The following SCNN1A variants were observed in gnomAD, a reference collection of about 807,000 sequenced individuals.
SCNN1A encodes the protein epithelial sodium channel subunit alpha.
A neutral mutation model predicts 68.6 loss-of-function variants in SCNN1A; 65 were observed. That is an observed-to-expected ratio of 0.95 (90% CI 0.78 to 1.16). The LOEUF (loss-of-function observed/expected upper bound fraction) is 1.16, where lower values mean the gene tolerates loss of function less well. Ranked by LOEUF, SCNN1A falls within the 50% of genes most tolerant of loss-of-function variation. The pLI, the probability that SCNN1A is intolerant of heterozygous loss-of-function variation, is 0.00. For synonymous variants in SCNN1A, 357 were observed against 353.3 expected, an observed-to-expected ratio of 1.01 and a Z score of -0.12; for missense variants, 880 against 865.9, an observed-to-expected ratio of 1.02 and a Z score of -0.20.
At chr12:6,350,301 G>C (rs974957226) in intron 8 of SCNN1A, among the ~76,000 whole-genome samples, 1 of 151,130 alleles carries the variant, frequency 6.6e-6, no homozygotes, top group African/African-American at 2.4e-5. Context: ...GCGTGGTGGC[G>C]GGCGCCTGTA....
Position 6,351,071 on chromosome 12 carries a change from G to A in SCNN1A, c.1361-1666C>T, listed in dbSNP as rs1445383922. ...ATACCCAAGAAAATGGAAAACATGC[G>A]TCCACACAAAAACTTGTACACAAAT... On this transcript the variant is annotated intron_variant, in intron 8 of 12. Transcript: ENST00000228916. This position sits in a 1 kb window ranked among gnomAD's most constrained non-coding sequence, Gnocchi z 4.2. Among the ~76,000 whole-genome samples the A allele has an allele frequency of 1.3e-5, 2 of 152,004 alleles. No individual in the cohort carries two copies. Among genetic ancestry groups the A allele is most frequent in the South Asian group, 4.2e-4 (2 of 4,818 alleles).
intron 5 of SCNN1A, 99 bp from the exon 6 acceptor site, chr12:6,355,534 C>T: frequency 6.9e-7 from 1 of 1,440,140 alleles, no homozygotes; most frequent in Non-Finnish European, 9.5e-7. Context: ...GTCTCTAAAG[C>T]TGCAAGAGAA....
intron 2 of SCNN1A, among the ~76,000 whole-genome samples, chr12:6,369,701 G>A (rs1243281992): frequency 1.3e-5 from 2 of 152,050 alleles, no homozygotes; most frequent in Non-Finnish European, 2.9e-5. Flanking sequence ...GGGCATGGTG[G>A]TGGGCGCCTG....
intron 3 of SCNN1A, 27 bp downstream of exon 3, chr12:6,363,416 C>G (rs1948615747): frequency 1.3e-6 from 2 of 1,501,456 alleles, no homozygotes; most frequent in Non-Finnish European, 1.8e-6. Context: ...AGGGGCGGGG[C>G]GGGCCCCTCG....
chr12:6,352,633 C>G (rs1268338848), intron 8 of SCNN1A, among the ~76,000 whole-genome samples: 1 of 152,208 alleles, frequency 6.6e-6, no homozygotes, highest in Non-Finnish European at 1.5e-5. Flanking sequence ...CGTGTCACAT[C>G]CTCCCCCTGG....
At chr12:6,348,389 C>A (rs944208840) in intron 12 of SCNN1A, 136 bp from the exon 13 acceptor site, 2 of 1,517,926 alleles carry the variant, frequency 1.3e-6, no homozygotes, top group Non-Finnish European at 1.8e-6. Context: ...CTCTCAGCAG[C>A]CCCCTGGGCT....
rs141433569 is a variant in SCNN1A at position 6,358,656 on chromosome 12, C to T, written c.876-2776G>A. ...GGAGGATGGCTTGAGCTCAGGAGTTCGAGATCAGCCTGGGCACCATAGTGA... is the reference window on the plus strand; with the variant it reads ...GGAGGATGGCTTGAGCTCAGGAGTTTGAGATCAGCCTGGGCACCATAGTGA... On this transcript the variant is annotated intron_variant, in intron 4 of 12. Transcript: ENST00000228916. Among the ~76,000 whole-genome samples the T allele has an allele frequency of 7.0e-4, 106 of 151,932 alleles. 2 individuals are homozygous for T. In the East Asian group the frequency reaches 0.016, roughly 22 times the overall value.
chr12:6,362,220 A>C lies in SCNN1A; in HGVS notation c.706T>G (p.Cys236Gly), dbSNP rs764253958. The C allele has an allele frequency of 3.1e-6, 5 of 1,614,112 alleles. No homozygotes were observed. The Admixed American group carries it at 8.3e-5, about 27-fold the overall frequency. ...CCTGATGAGTATGTCTGGTAGAAGC[A>C]GTCCGATTTGTTCTGGTTGCACTGG... ...FQLCNQNKSD[C>G]FYQTYSSGVD... The change falls in exon 4 of 13, where the codon TGC becomes GGC. Residue 236 changes from cysteine to glycine, a missense_variant. This residue lies in a region of SCNN1A where 758 missense variants were observed against 721.8 expected (regional missense o/e 1.05). Coordinates refer to ENST00000228916, the MANE Select transcript of SCNN1A (RefSeq NM_001038.6).
Position 6,349,322 on chromosome 12 carries a change from C to G in SCNN1A, c.1439+5G>C. The stretch of plus-strand genomic sequence containing the variant: ...CAACCTGTACCCGGGGAAGGGGACA[C>G]TAACCTGCATGGCTTCCGGCACTTG... On this transcript the variant is annotated splice_donor_5th_base_variant and intron_variant, in intron 9 of 12. Transcript: ENST00000228916. 1 of 1,613,764 alleles carries G rather than the reference C, an allele frequency of 6.2e-7. No individual in the cohort carries two copies. Among genetic ancestry groups the G allele is most frequent in the Non-Finnish European group, 8.5e-7 (1 of 1,179,826 alleles).
intron 2 of SCNN1A, chr12:6,364,106 C>T (rs1948635126): frequency 6.0e-6 from 1 of 165,922 alleles, no homozygotes; most frequent in African/African-American, 2.4e-5. Flanking sequence ...CCGCCCTGAT[C>T]CCCGCAGGCG....
chr12:6,360,788 C>A (rs1483998319), intron 4 of SCNN1A, among the ~76,000 whole-genome samples: 3 of 151,338 alleles, frequency 2.0e-5, no homozygotes, highest in South Asian at 2.1e-4. Context: ...GGGACCCCCC[C>A]CTCGCCTCAG....
In SCNN1A at chr12:6,348,034, A is replaced by T; in HGVS notation, c.1849T>A (p.Phe617Ile). The T allele has an allele frequency of 6.2e-7, 1 of 1,606,080 alleles. No individual in the cohort carries two copies. Among genetic ancestry groups the T allele is most frequent in the South Asian group, 1.1e-5 (1 of 90,166 alleles). Residue 617 changes from phenylalanine to isoleucine, a missense_variant, in exon 13 of 13, where the codon TTC (phenylalanine) becomes ATC (isoleucine). Physicochemically the swap from Phe to Ile is conservative, Grantham distance 21 (BLOSUM62 0). Around this residue, in one of 3 missense-constraint regions of SCNN1A, gnomAD observed 758 missense variants for 721.8 expected, o/e 1.05. Transcript: ENST00000228916. ...STLASSPPSH[F>I]CPHPMSLSLS... ...GACAGAGACATGGGGTGGGGGCAGA[A>T]GTGGGAAGGAGGGGAGGATGCCAGG...
In SCNN1A at chr12:6,374,298, G is replaced by A. The variant is rs923537442; in HGVS notation, c.416+70C>T. The stretch of plus-strand genomic sequence containing the variant: ...AGGTCTGAGGCTCTGCCTGCCCAGT[G>A]AGCACCTCAGCACCCTGGACCACCC... On this transcript the variant is annotated intron_variant, in intron 2 of 12. Coordinates refer to ENST00000228916, the MANE Select transcript of SCNN1A (RefSeq NM_001038.6). The surrounding 1 kb of genome is among the most constrained non-coding windows in gnomAD (Gnocchi z 6.2). The A allele has an allele frequency of 1.2e-5, 19 of 1,530,892 alleles. No individual in the cohort carries two copies. Among genetic ancestry groups the A allele is most frequent in the African/African-American group, 1.2e-4 (9 of 73,272 alleles). The allele number at this position is 1,530,892 out of a possible 1,614,324, so 94.8% of individuals were successfully genotyped here. A position where few individuals can be genotyped will look rare whatever the true frequency, so the allele number is the denominator to read the frequency against.
Position 6,347,853 on chromosome 12 carries a change from G to T in SCNN1A, c.*20C>A. The T allele has an allele frequency of 1.3e-6, 2 of 1,593,068 alleles. No homozygotes were observed. Among genetic ancestry groups the T allele is most frequent in the Non-Finnish European group, 8.6e-7 (1 of 1,167,832 alleles). On this transcript the variant is annotated 3_prime_UTR_variant, in exon 13 of 13. Coordinates refer to ENST00000228916, the MANE Select transcript of SCNN1A (RefSeq NM_001038.6). Reference sequence around the variant, plus strand: ...ACCAGAGGAGCATCTGCCTTGGTGTGAGAAACCTCTCCTTCCCTCTCAGGG... The same window carrying T: ...ACCAGAGGAGCATCTGCCTTGGTGTTAGAAACCTCTCCTTCCCTCTCAGGG...
At chr12:6,357,715 C>T (rs1948520740) in intron 4 of SCNN1A, among the ~76,000 whole-genome samples, 1 of 152,072 alleles carries the variant, frequency 6.6e-6, no homozygotes, top group Non-Finnish European at 1.5e-5. Context: ...AGCACAGACT[C>T]AGCCAGGCGC....
intron 4 of SCNN1A, among the ~76,000 whole-genome samples, chr12:6,358,886 G>GA (rs1948539845): frequency 1.1e-4 from 16 of 147,790 alleles, no homozygotes; most frequent in African/African-American, 3.8e-4. Flanking sequence ...AAAAGGTGGT[G>GA]TATCTACACA....
intron 4 of SCNN1A, among the ~76,000 whole-genome samples, chr12:6,358,316 T>C (rs1420493720): frequency 6.6e-6 from 1 of 152,174 alleles, no homozygotes; most frequent in Non-Finnish European, 1.5e-5. Flanking sequence ...TTTAGAACCT[T>C]CATACATTGC....
At chr12:6,361,547 C>CTGACCAACATGGACGT (rs1408563888) in intron 4 of SCNN1A, among the ~76,000 whole-genome samples, 1 of 152,154 alleles carries the variant, frequency 6.6e-6, no homozygotes, top group African/African-American at 2.4e-5. Flanking sequence ...GGAGACCAGC[C>CTGACCAACATGGACGT]TGACCAACAT....
chr12:6,377,151 C>T, upstream of SCNN1A: 1 of 947,658 alleles, frequency 1.1e-6, no homozygotes, highest in Non-Finnish European at 1.6e-6. Context: ...GGCTCAGGGT[C>T]CAACCTGGTC....
Sources: gnomAD v4.1 joint callset for allele counts (sites outside exome capture counted in the v4.1 genomes callset) on GRCh38, gnomAD v4.1.1 for gene constraint, gnomAD v4.1.1 regional missense constraint, Gnocchi (gnomAD v3.1) non-coding constraint, MANE v1.5 for transcripts, NCBI Gene and HGNC (gene_info 2026-07-23, HGNC 2026-07-21) for gene names.